The following DYNC1H1 variants were observed in gnomAD, a reference collection of about 807,000 sequenced individuals.
DYNC1H1 encodes dynein cytoplasmic 1 heavy chain 1.
In DYNC1H1, 51 loss-of-function variants were observed where a neutral mutation model predicts 527.1. That is an observed-to-expected ratio of 0.10 (90% CI 0.08 to 0.12). The LOEUF (loss-of-function observed/expected upper bound fraction) is 0.12, where lower values mean the gene tolerates loss of function less well. Among genes scored for constraint, DYNC1H1 ranks in the 10% least tolerant of loss-of-function variants. The pLI is 1.00. For missense variants in DYNC1H1, 2,771 were observed against 5,971.8 expected (o/e 0.46, Z 17.66); for synonymous variants, 2,189 against 2,278.8 (o/e 0.96, Z 1.12).
rs756379552 is a variant in DYNC1H1, at chr14:102,038,755, C to T, written c.11113C>T (p.Arg3705Cys). 6.2e-7 allele frequency: 1 copy of T among 1,614,160 alleles called. No individual in the cohort carries two copies. Among genetic ancestry groups the T allele is most frequent in the Non-Finnish European group, 8.5e-7 (1 of 1,180,040 alleles). Residue 3705 changes from arginine (R) to cysteine (C), a missense_variant, in exon 59 of 78, where the codon CGT (arginine) becomes TGT (cysteine). Coordinates refer to ENST00000360184, the MANE Select transcript of DYNC1H1 (RefSeq NM_001376.5). The surrounding 1 kb of genome is among the most constrained non-coding windows in gnomAD (Gnocchi z 7.2). ...TACTTTTGTAAACTTCACAGTTACC[C>T]GTAGCAGTTTACAAAGCCAGTGTCT... is the stretch of plus-strand genomic sequence containing the variant. ...RVTFVNFTVTRSSLQSQCLNE... is the reference protein window; with the variant it reads ...RVTFVNFTVTCSSLQSQCLNE...
chr14:101,984,248 C>G (rs2047901967), intron 7 of DYNC1H1, among the ~76,000 whole-genome samples: 1 of 151,860 alleles, frequency 6.6e-6, no homozygotes, highest in African/African-American at 2.4e-5. Context: ...CCTCAGCCTC[C>G]CAAAGTGCTG....
chr14:101,983,621 A>G lies in DYNC1H1; in HGVS notation c.1461+12A>G. 1 of 1,612,006 alleles carries G rather than the reference A, an allele frequency of 6.2e-7. No individual in the cohort carries two copies. The highest frequency in any genetic ancestry group is 8.5e-7 in the Non-Finnish European group (1 of 1,179,014). ...TCCTGAGGCCACAGGTAAGATTTGC[A>G]TTCTAAAAGTTTGTGTTTTGTTTTT... is the stretch of plus-strand genomic sequence containing the variant. On this transcript the variant is annotated intron_variant, in intron 7 of 77. Transcript: ENST00000360184. The surrounding 1 kb of genome is among the most constrained non-coding windows in gnomAD (Gnocchi z 5.3).
rs776618215 is a variant in DYNC1H1, at chr14:101,986,370, G to A, written c.2145G>A (p.Gly715=). The A allele has an allele frequency of 1.2e-6, 2 of 1,614,150 alleles. No homozygotes were observed. The highest frequency in any genetic ancestry group is 2.2e-5 in the South Asian group (2 of 91,080). Residue 715 remains glycine, a synonymous_variant, in exon 8 of 78, where the codon GGG becomes GGA. Transcript: ENST00000360184. This position sits in a 1 kb window ranked among gnomAD's most constrained non-coding sequence, Gnocchi z 8.7. ...KVQQRNLGVS[G]RIFTIESTRV... The stretch of plus-strand genomic sequence containing the variant: ...AGCAGCGCAACCTCGGTGTCTCGGG[G>A]CGCATTTTCACCATCGAAAGTACTC...
intron 1 of DYNC1H1, among the ~76,000 whole-genome samples, chr14:101,971,628 G>A (rs1344453876): frequency 6.6e-6 from 1 of 152,114 alleles, no homozygotes; most frequent in Non-Finnish European, 1.5e-5. Flanking sequence ...AGGAGGCTGA[G>A]GTAGGAGAAT....
intron 57 of DYNC1H1, chr14:102,037,222 A>G: frequency 1.2e-5 from 2 of 160,214 alleles, no homozygotes; most frequent in Non-Finnish European, 2.8e-5. Context: ...TCAGGAGATC[A>G]AGACCACCCT....
Position 101,997,119 on chromosome 14 carries a change from G to A in DYNC1H1, c.3649G>A (p.Glu1217Lys). The change falls in exon 16 of 78, where the codon GAG becomes AAG. Residue 1217 changes from glutamate (E) to lysine (K), a missense_variant. Physicochemically the swap from Glu to Lys is moderately conservative, Grantham distance 56. Around this residue, in one of 32 missense-constraint regions of DYNC1H1, gnomAD observed 223 missense variants for 462.5 expected, o/e 0.48. Coordinates refer to ENST00000360184, the MANE Select transcript of DYNC1H1 (RefSeq NM_001376.5). This position sits in a 1 kb window ranked among gnomAD's most constrained non-coding sequence, Gnocchi z 4.8. ...GCTTTATATTGACAACATCGAGGGA[G>A]AGTGGGGAGCCTTCAATGACATCAT... ...SWLYIDNIEG[E>K]WGAFNDIMRR... is the part of the protein sequence containing the mutation. 1 of 1,614,228 alleles carries A rather than the reference G, an allele frequency of 6.2e-7. No individual in the cohort carries two copies. The highest frequency in any genetic ancestry group is 8.5e-7 in the Non-Finnish European group (1 of 1,180,048).
chr14:102,005,781 G>T lies in DYNC1H1; in HGVS notation c.5434-107G>T. Reference sequence around the variant, plus strand: ...TTTGGAACATTTACTGAAAGCCATTGTAACTGGACCTAGAACCTCAATTTC... The same window carrying T: ...TTTGGAACATTTACTGAAAGCCATTTTAACTGGACCTAGAACCTCAATTTC... On this transcript the variant is annotated intron_variant, in intron 26 of 77. Transcript: ENST00000360184. The surrounding 1 kb of genome is among the most constrained non-coding windows in gnomAD (Gnocchi z 4.0). 2.8e-6 allele frequency: 4 copies of T among 1,408,126 alleles called. No homozygotes were observed. The highest frequency in any genetic ancestry group is 4.0e-6 in the Non-Finnish European group (4 of 999,772). The allele number at this position is 1,408,126 out of a possible 1,614,324, so 87.2% of individuals were successfully genotyped here. A position where few individuals can be genotyped will look rare whatever the true frequency, so the allele number is the denominator to read the frequency against.
Position 102,018,648 on chromosome 14 carries a change from T to A in DYNC1H1, c.8343+32T>A, listed in dbSNP as rs1306119733. 1.2e-6 allele frequency: 2 copies of A among 1,610,968 alleles called. No individual in the cohort carries two copies. Among genetic ancestry groups the A allele is most frequent in the Non-Finnish European group, 1.7e-6 (2 of 1,179,572 alleles). On this transcript the variant is annotated intron_variant, in intron 41 of 77. Transcript: ENST00000360184. The surrounding 1 kb of genome is among the most constrained non-coding windows in gnomAD (Gnocchi z 5.2). Reference sequence around the variant, plus strand: ...AGAGTTTCTTTGCTCTTCCAGAAATTGTTTTCCTCTCATAATTAAGGCACT... The same window carrying A: ...AGAGTTTCTTTGCTCTTCCAGAAATAGTTTTCCTCTCATAATTAAGGCACT...
rs760515260 is a variant in DYNC1H1, at chr14:102,016,526, G to A, written c.7614+37G>A. ...GCTACCACCCGTGTTTCTGATTCTCGCCTTGTTGATTTAACTCATCCTGGA... is the reference window on the plus strand; with the variant it reads ...GCTACCACCCGTGTTTCTGATTCTCACCTTGTTGATTTAACTCATCCTGGA... On this transcript the variant is annotated intron_variant, in intron 37 of 77. Transcript: ENST00000360184. This position sits in a 1 kb window ranked among gnomAD's most constrained non-coding sequence, Gnocchi z 7.3. The A allele has an allele frequency of 2.4e-5, 39 of 1,613,874 alleles. No individual in the cohort carries two copies. Among genetic ancestry groups the A allele is most frequent in the Admixed American group, 1.0e-4 (6 of 59,994 alleles).
chr14:102,047,298 C>G (rs1892055111), intron 72 of DYNC1H1, among the ~76,000 whole-genome samples: 1 of 151,976 alleles, frequency 6.6e-6, no homozygotes, highest in South Asian at 2.1e-4. Flanking sequence ...TTTGGGAGGC[C>G]AAGGCGAGCA....
chr14:102,015,888 G>C lies in DYNC1H1; in HGVS notation c.7275G>C (p.Pro2425=). 1 of 1,614,212 alleles carries C rather than the reference G, an allele frequency of 6.2e-7. No individual in the cohort carries two copies. The highest frequency in any genetic ancestry group is 8.5e-7 in the Non-Finnish European group (1 of 1,180,044). ...GAGATGCAGCTACGATCATGCAACC[G>C]TACTTCACGTCCAACGGCCTGGTCA... The part of the protein sequence containing the change: ...IQRDAATIMQ[P]YFTSNGLVTK... The change falls in exon 36 of 78, where the codon CCG becomes CCC. Residue 2425 remains proline (P), a synonymous_variant. Transcript: ENST00000360184. The surrounding 1 kb of genome is among the most constrained non-coding windows in gnomAD (Gnocchi z 6.9).
Position 102,022,166 on chromosome 14 carries a change from C to CTTCA in DYNC1H1, c.8508-584_8508-581dup, listed in dbSNP as rs545970843. On this transcript the variant is annotated intron_variant, in intron 42 of 77. Transcript: ENST00000360184. Reference sequence around the variant, plus strand: ...AAGTAAGTAAGATCGCGCCACTGCACTTCAGCCTGTTGCCAGGCTGTAAGT... The same window carrying CTTCA: ...AAGTAAGTAAGATCGCGCCACTGCACTTCATTCAGCCTGTTGCCAGGCTGTAAGT... 4.9e-4 allele frequency among the ~76,000 whole-genome samples: 75 copies of CTTCA among 151,940 alleles called. 1 individual carries two copies. Among genetic ancestry groups the CTTCA allele is most frequent in the African/African-American group, 1.8e-3 (73 of 41,454 alleles).
chr14:102,045,118 C>T (rs1300938752), intron 72 of DYNC1H1: 2 of 240,884 alleles, frequency 8.3e-6, no homozygotes, highest in African/African-American at 4.4e-5. Flanking sequence ...GCCTGGTCAA[C>T]ATGGCAAAAC....
At position 101,985,567 on chromosome 14, in the gene DYNC1H1, G is replaced by T. The variant is rs979627254; in HGVS notation, c.1462-120G>T. On this transcript the variant is annotated intron_variant, in intron 7 of 77. Coordinates refer to ENST00000360184, the MANE Select transcript of DYNC1H1 (RefSeq NM_001376.5). The surrounding 1 kb of genome is among the most constrained non-coding windows in gnomAD (Gnocchi z 5.9). ...TCTCGAACTCCTGACCTCATGATCCGCCTGCCTTGGCCTCCCAAAGTGCTG... is the reference window on the plus strand; with the variant it reads ...TCTCGAACTCCTGACCTCATGATCCTCCTGCCTTGGCCTCCCAAAGTGCTG... The T allele has an allele frequency of 2.9e-6, 3 of 1,038,682 alleles. No homozygotes were observed. Among genetic ancestry groups the T allele is most frequent in the African/African-American group, 3.2e-5 (2 of 63,384 alleles). The allele number at this position is 1,038,682 out of a possible 1,614,324, so 64.3% of individuals were successfully genotyped here. A position where few individuals can be genotyped will look rare whatever the true frequency, so the allele number is the denominator to read the frequency against.
rs2141286827 is a variant in DYNC1H1 at position 102,002,482 on chromosome 14, A to G, written c.4543-55A>G. 1 of 1,609,880 alleles carries G rather than the reference A, an allele frequency of 6.2e-7. No individual in the cohort carries two copies. Among genetic ancestry groups the G allele is most frequent in the Non-Finnish European group, 8.5e-7 (1 of 1,177,108 alleles). ...CTGCGCTTTTTCAGTGAGTTTTGGCATATCTGTGAGTAGAAGGGTCAGCAG... is the reference window on the plus strand; with the variant it reads ...CTGCGCTTTTTCAGTGAGTTTTGGCGTATCTGTGAGTAGAAGGGTCAGCAG... On this transcript the variant is annotated intron_variant, in intron 21 of 77. Coordinates refer to ENST00000360184, the MANE Select transcript of DYNC1H1 (RefSeq NM_001376.5). The surrounding 1 kb of genome is among the most constrained non-coding windows in gnomAD (Gnocchi z 4.4).
intron 1 of DYNC1H1, 55 bp from the exon 2 acceptor site, chr14:101,975,656 TA>T: frequency 1.3e-6 from 2 of 1,496,268 alleles, no homozygotes; most frequent in Non-Finnish European, 1.9e-6. Flanking sequence ...AAGCAGTTGA[TA>T]AATAAGAAAT....
At position 102,002,128 on chromosome 14, in the gene DYNC1H1, T is replaced by A. The variant is rs992266634; in HGVS notation, c.4543-409T>A. On this transcript the variant is annotated intron_variant, in intron 21 of 77. Transcript: ENST00000360184. This position sits in a 1 kb window ranked among gnomAD's most constrained non-coding sequence, Gnocchi z 4.4. The stretch of plus-strand genomic sequence containing the variant: ...TTTTTGTTTTTTTTTTTTCTTTTTT[T>A]GAGATGGAGTCTCGCTCTGTCACCC... 3.3e-5 allele frequency among the ~76,000 whole-genome samples: 5 copies of A among 151,872 alleles called. No individual in the cohort carries two copies. The highest frequency in any genetic ancestry group is 7.4e-5 in the Non-Finnish European group (5 of 67,958).
In DYNC1H1 at chr14:102,005,224, G is replaced by A. The variant is rs2141289066; in HGVS notation, c.5421G>A (p.Lys1807=). The change falls in exon 26 of 78, where the codon AAG becomes AAA. Residue 1807 remains lysine (K), a synonymous_variant. Transcript: ENST00000360184. The surrounding 1 kb of genome is among the most constrained non-coding windows in gnomAD (Gnocchi z 4.0). The part of the protein sequence containing the change: ...LMEQPPLRRR[K]LEHLITELVH... ...AGCAGCCCCCACTCCGAAGGCGGAA[G>A]CTAGAACACTTGGTTAGTCTCACAC... The A allele has an allele frequency of 6.2e-7, 1 of 1,614,198 alleles. No individual in the cohort carries two copies. Among genetic ancestry groups the A allele is most frequent in the Non-Finnish European group, 8.5e-7 (1 of 1,180,050 alleles).
intron 50 of DYNC1H1, 64 bp downstream of exon 50, chr14:102,030,002 G>A: frequency 6.2e-7 from 1 of 1,613,090 alleles, no homozygotes; most frequent in African/African-American, 1.3e-5. Flanking sequence ...TGAGAGAGTA[G>A]GAAATGTAGT....
Sources: allele counts gnomAD v4.1 joint callset (sites outside exome capture counted in the v4.1 genomes callset), GRCh38; gene constraint gnomAD v4.1.1; regional missense constraint gnomAD v4.1.1; non-coding constraint Gnocchi (gnomAD v3.1); transcripts MANE v1.5; gene names NCBI Gene and HGNC (gene_info 2026-07-23, HGNC 2026-07-21).